The following PTPRQ variants were observed in gnomAD, a reference collection of about 807,000 sequenced individuals.
The protein encoded by PTPRQ is protein tyrosine phosphatase receptor type Q, also known as phosphatidylinositol phosphatase PTPRQ.
A neutral mutation model predicts 246.0 loss-of-function variants in PTPRQ; 199 were observed. The ratio of observed to expected loss-of-function variants is 0.81; its 90% CI spans 0.72 to 0.91. PTPRQ has a LOEUF of 0.91. PTPRQ is among the 40% of genes least tolerant of loss of function. The pLI is 0.00. For synonymous variants in PTPRQ, 869 were observed against 853.2 expected, an observed-to-expected ratio of 1.02 and a Z score of -0.32; for missense variants, 2,624 against 2,528.4, an observed-to-expected ratio of 1.04 and a Z score of -0.81.
chr12:80,532,216 ATTTAT>A (rs990187743), intron 17 of PTPRQ, among the ~76,000 whole-genome samples: 1 of 151,828 alleles, frequency 6.6e-6, no homozygotes. Context: ...ATTTTATTTT[ATTTAT>A]TTTATTTTAT....
intron 9 of PTPRQ, among the ~76,000 whole-genome samples, chr12:80,489,587 T>C (rs1390921388): frequency 2.0e-5 from 3 of 152,020 alleles, no homozygotes; most frequent in African/African-American, 7.2e-5. Context: ...ATTATATTCC[T>C]GTGCATATTT....
chr12:80,456,996 T>C (rs1332976802), intron 3 of PTPRQ, among the ~76,000 whole-genome samples: 1 of 152,136 alleles, frequency 6.6e-6, no homozygotes, highest in Non-Finnish European at 1.5e-5. Flanking sequence ...TTGCAAAAGC[T>C]TGAGTCTTAT....
At chr12:80,617,428 A>C in intron 30 of PTPRQ, among the ~76,000 whole-genome samples, 1 of 151,606 alleles carries the variant, frequency 6.6e-6, no homozygotes. Context: ...TACTTTGGGA[A>C]GTACAAATGC....
chr12:80,542,899 G>A lies in PTPRQ; in HGVS notation c.3873+18G>A, dbSNP rs1896197454. The A allele has an allele frequency of 1.5e-6, 2 of 1,335,572 alleles. No homozygotes were observed. The highest frequency in any genetic ancestry group is 1.8e-5 in the South Asian group (1 of 55,544). The allele number at this position is 1,335,572 out of a possible 1,614,324, so 82.7% of individuals were successfully genotyped here. Reference sequence around the variant, plus strand: ...ATTATAAGGTAGGTTGATTATAACAGTATATGTTTATTTTTAAAAATCAGA... The same window carrying A: ...ATTATAAGGTAGGTTGATTATAACAATATATGTTTATTTTTAAAAATCAGA... On this transcript the variant is annotated intron_variant, in intron 23 of 44. Coordinates refer to ENST00000644991, the MANE Select transcript of PTPRQ (RefSeq NM_001145026.2).
At chr12:80,550,206 G>A (rs1035209694) in intron 25 of PTPRQ, among the ~76,000 whole-genome samples, 1 of 151,932 alleles carries the variant, frequency 6.6e-6, no homozygotes, top group African/African-American at 2.4e-5. Flanking sequence ...TATCCGGGTC[G>A]TTAAGCTTTA....
chr12:80,606,897 C>G (rs1898344642), intron 27 of PTPRQ, among the ~76,000 whole-genome samples: 1 of 150,832 alleles, frequency 6.6e-6, no homozygotes, highest in Non-Finnish European at 1.5e-5. Flanking sequence ...AATGATAAAG[C>G]TTTACTCTGT....
At chr12:80,481,446 T>C (rs1156329381) in intron 8 of PTPRQ, among the ~76,000 whole-genome samples, 1 of 152,102 alleles carries the variant, frequency 6.6e-6, no homozygotes, top group Non-Finnish European at 1.5e-5. Flanking sequence ...CTGGAAGCAT[T>C]CCCTTTGAAA....
At chr12:80,665,506 C>T (rs1365394475) in intron 39 of PTPRQ, among the ~76,000 whole-genome samples, 1 of 151,926 alleles carries the variant, frequency 6.6e-6, no homozygotes, top group Non-Finnish European at 1.5e-5. Context: ...TGATTTCAAA[C>T]ATAATATGTC....
At chr12:80,483,270 G>A (rs1326887184) in intron 8 of PTPRQ, among the ~76,000 whole-genome samples, 57 of 140,068 alleles carry the variant, frequency 4.1e-4, no homozygotes, top group African/African-American at 1.1e-3. Context: ...GTAAACTATC[G>A]CAAGAACAAA....
At chr12:80,600,912 A>G (rs1374386524) in intron 26 of PTPRQ, among the ~76,000 whole-genome samples, 1 of 151,672 alleles carries the variant, frequency 6.6e-6, no homozygotes, top group Admixed American at 6.6e-5. Flanking sequence ...TTCCAACTCA[A>G]CTGGGCTTCA....
At chr12:80,466,182 A>G (rs1893403823) in intron 6 of PTPRQ, among the ~76,000 whole-genome samples, 1 of 152,230 alleles carries the variant, frequency 6.6e-6, no homozygotes. Flanking sequence ...ATCAATGTAC[A>G]AAAATCATAG....
intron 16 of PTPRQ, among the ~76,000 whole-genome samples, chr12:80,508,737 C>T (rs1895039517): frequency 6.6e-6 from 1 of 152,072 alleles, no homozygotes; most frequent in Admixed American, 6.6e-5. Context: ...TAGTCTGCTA[C>T]AGTGGATGTA....
chr12:80,517,551 A>G (rs1029094867), intron 17 of PTPRQ, among the ~76,000 whole-genome samples: 3 of 152,058 alleles, frequency 2.0e-5, no homozygotes, highest in Non-Finnish European at 4.4e-5. Flanking sequence ...ACAATTAATT[A>G]TTATTTATTG....
intron 3 of PTPRQ, among the ~76,000 whole-genome samples, chr12:80,455,200 AC>A (rs1233138956): frequency 6.6e-6 from 1 of 152,180 alleles, no homozygotes; most frequent in Non-Finnish European, 1.5e-5. Flanking sequence ...AAACAAAAAA[AC>A]AGATAGCTTT....
intron 9 of PTPRQ, among the ~76,000 whole-genome samples, chr12:80,485,195 A>AT (rs1368639591): frequency 3.3e-5 from 5 of 151,814 alleles, no homozygotes; most frequent in Non-Finnish European, 7.4e-5. Flanking sequence ...TGGAAGTCTT[A>AT]TTTTTTTCCT....
chr12:80,545,622 A>G (rs1896279198), intron 23 of PTPRQ, among the ~76,000 whole-genome samples: 2 of 151,666 alleles, frequency 1.3e-5, no homozygotes, highest in Non-Finnish European at 2.9e-5. Flanking sequence ...TCCTTGGGCA[A>G]CTATGATACT....
chr12:80,446,692 A>AT (rs1204972483), intron 3 of PTPRQ, among the ~76,000 whole-genome samples: 1 of 151,788 alleles, frequency 6.6e-6, no homozygotes, highest in Non-Finnish European at 1.5e-5. Flanking sequence ...TTGATTTTCT[A>AT]TTTTTGAATT....
Position 80,632,210 on chromosome 12 carries a change from G to A in PTPRQ, c.5705G>A (p.Arg1902Lys), listed in dbSNP as rs992060893. ...TCTCCAGGGGAAGGACTTTCAGAAA[G>A]AACCGTAGAGATCATTCTTTCCGTC... Reference protein sequence around the residue: ...VKTLGEGLSERTVEIILSVTL... With the variant: ...VKTLGEGLSEKTVEIILSVTL... Residue 1902 changes from arginine to lysine, a missense_variant, in exon 34 of 45, where the codon AGA becomes AAA. Arg to Lys is a conservative substitution (Grantham distance 26). Transcript: ENST00000644991. The A allele has an allele frequency of 6.4e-7, 1 of 1,551,142 alleles. No homozygotes were observed. Among genetic ancestry groups the A allele is most frequent in the Non-Finnish European group, 8.7e-7 (1 of 1,146,800 alleles).
At chr12:80,544,251 T>C (rs1214393131) in intron 23 of PTPRQ, among the ~76,000 whole-genome samples, 2 of 152,130 alleles carry the variant, frequency 1.3e-5, no homozygotes, top group Non-Finnish European at 2.9e-5. Flanking sequence ...AAGGAAAGTC[T>C]CCATAGAGCA....
Sources: allele counts gnomAD v4.1 joint callset (sites outside exome capture counted in the v4.1 genomes callset), GRCh38; gene constraint gnomAD v4.1.1; transcripts MANE v1.5; gene names NCBI Gene and HGNC (gene_info 2026-07-23, HGNC 2026-07-21).